The following STAT3 variants were observed in gnomAD, a reference collection of about 807,000 sequenced individuals.
The protein encoded by STAT3 is DNA-binding protein APRF.
STAT3 carries 7 observed loss-of-function variants against 114.3 expected under a neutral mutation model. The observed-to-expected ratio is 0.06, with a 90% CI of 0.03 to 0.11. STAT3 has a LOEUF of 0.11. Ranked by LOEUF, STAT3 falls within the 10% of genes least tolerant of loss-of-function variation. STAT3 has a pLI of 1.00. For synonymous variants in STAT3, 331 were observed against 354.5 expected, an observed-to-expected ratio of 0.93 and a Z score of 0.74; for missense variants, 364 against 960.9, an observed-to-expected ratio of 0.38 and a Z score of 8.21.
At chr17:42,343,743 G>A (rs150749972) in intron 4 of STAT3, among the ~76,000 whole-genome samples, 185 of 152,186 alleles carry the variant, frequency 1.2e-3, no homozygotes, top group African/African-American at 4.0e-3. Flanking sequence ...GTGAGACATC[G>A]TGCCTGGCCC....
chr17:42,384,793 C>A (rs1483126333), intron 1 of STAT3, among the ~76,000 whole-genome samples: 1 of 150,958 alleles, frequency 6.6e-6, no homozygotes, highest in East Asian at 2.0e-4. Flanking sequence ...TGGGCTCAAG[C>A]AATCCTCCTG....
rs2081562708 is a variant in STAT3 at position 42,323,374 on chromosome 17, G to T, written c.1654-20C>A. 2.5e-6 allele frequency: 4 copies of T among 1,613,552 alleles called. No individual in the cohort carries two copies. In the Admixed American group the frequency reaches 5.0e-5, roughly 20 times the overall value. The stretch of plus-strand genomic sequence containing the variant: ...GTTTTCCTGGAGAAAAGAGTAATGG[G>T]AAAGCCAAGTCTACTGCCATCCCAG... On this transcript the variant is annotated intron_variant, in intron 18 of 23. Coordinates refer to ENST00000264657, the MANE Select transcript of STAT3 (RefSeq NM_139276.3).
At chr17:42,338,521 TGACCTGAGGGAATACTCCTG>T (rs1265049272) in intron 6 of STAT3, among the ~76,000 whole-genome samples, 190 bp downstream of exon 6, 1,487 of 11,084 alleles carry the variant, frequency 0.13, 237 homozygotes, top group Non-Finnish European at 0.17. Context: ...GAATACTCCT[TGACCTGAGGGAATACTCCTG>T]GACCTGAGGG....
intron 1 of STAT3, among the ~76,000 whole-genome samples, chr17:42,352,111 C>T (rs1032212379): frequency 3.3e-5 from 5 of 151,920 alleles, no homozygotes; most frequent in Non-Finnish European, 7.4e-5. Context: ...GAGGCCGAGG[C>T]GGGTGGATCA....
At chr17:42,382,120 C>A (rs2084832412) in intron 1 of STAT3, among the ~76,000 whole-genome samples, 1 of 152,134 alleles carries the variant, frequency 6.6e-6, no homozygotes, top group African/African-American at 2.4e-5. Context: ...AACGCAACTT[C>A]GTGGAAAGAA....
chr17:42,337,545 C>T lies in STAT3; in HGVS notation c.687G>A (p.Glu229=), dbSNP rs769885072. 6.2e-7 allele frequency: 1 copy of T among 1,614,248 alleles called. No individual in the cohort carries two copies. The highest frequency in any genetic ancestry group is 8.5e-7 in the Non-Finnish European group (1 of 1,180,050). The change falls in exon 8 of 24, where the codon GAG becomes GAA. Residue 229 remains glutamate (E), a synonymous_variant. Transcript: ENST00000264657. The surrounding 1 kb of genome is among the most constrained non-coding windows in gnomAD (Gnocchi z 4.0). The part of the protein sequence containing the change: ...SELAGLLSAM[E]YVQKTLTDEE... Reference sequence around the variant, plus strand: ...CGTCCGTGAGAGTTTTCTGCACGTACTCCATCGCTGACAAAAGCCCCGCCA... The same window carrying T: ...CGTCCGTGAGAGTTTTCTGCACGTATTCCATCGCTGACAAAAGCCCCGCCA...
At chr17:42,328,880 G>C (rs1318935664) in intron 14 of STAT3, among the ~76,000 whole-genome samples, 1 of 152,116 alleles carries the variant, frequency 6.6e-6, no homozygotes, top group Non-Finnish European at 1.5e-5. Context: ...TCAATGAAAA[G>C]CAGAAAATAA....
At chr17:42,373,538 G>A (rs1231595973) in intron 1 of STAT3, among the ~76,000 whole-genome samples, 2 of 151,830 alleles carry the variant, frequency 1.3e-5, no homozygotes, top group Non-Finnish European at 2.9e-5. Context: ...GTGACAGAGC[G>A]AGACTCTGCC....
At chr17:42,370,041 G>A (rs373853984) in intron 1 of STAT3, among the ~76,000 whole-genome samples, 1 of 151,922 alleles carries the variant, frequency 6.6e-6, no homozygotes, top group South Asian at 2.1e-4. Context: ...GCGAGATCTC[G>A]GTTCACTGTA....
chr17:42,339,250 T>C, intron 5 of STAT3, 64 bp downstream of exon 5: 1 of 1,428,772 alleles, frequency 7.0e-7, no homozygotes, highest in Admixed American at 1.8e-5. Flanking sequence ...AGCAAGACCC[T>C]GTCTCAAAAA....
chr17:42,388,046 G>C (rs2085209245), intron 1 of STAT3: 2 of 471,024 alleles, frequency 4.2e-6, no homozygotes, highest in East Asian at 3.6e-5. Flanking sequence ...CCTCGAGCGC[G>C]TTCTGTTTCT....
At chr17:42,341,194 C>A (rs761841602) in intron 4 of STAT3, among the ~76,000 whole-genome samples, 1 of 152,218 alleles carries the variant, frequency 6.6e-6, no homozygotes, top group Non-Finnish European at 1.5e-5. Context: ...CCCACAGAAA[C>A]CCACCTCTAA....
intron 1 of STAT3, among the ~76,000 whole-genome samples, chr17:42,350,567 G>A (rs1038271729): frequency 1.3e-5 from 2 of 152,076 alleles, no homozygotes; most frequent in Non-Finnish European, 2.9e-5. Flanking sequence ...GATTACAGGC[G>A]TAAGCTACCA....
At chr17:42,331,156 G>A (rs762147152) in intron 11 of STAT3, among the ~76,000 whole-genome samples, 1 of 152,156 alleles carries the variant, frequency 6.6e-6, no homozygotes, top group Non-Finnish European at 1.5e-5. Context: ...TTTGCAGAAC[G>A]TATCCCAGTC....
rs146620441 is a variant in STAT3 at position 42,324,819 on chromosome 17, T to C, written c.1492A>G (p.Ile498Val). The part of the protein sequence containing the change: ...KNVNFFTKPP[I>V]GTWDQVAEVL... ...TCGGCCACTTGATCCCAGGTTCCAATTGGGGGCTTGGTAAAAAAGTTTACA... is the reference window on the plus strand; with the variant it reads ...TCGGCCACTTGATCCCAGGTTCCAACTGGGGGCTTGGTAAAAAAGTTTACA... The change falls in exon 17 of 24, where the codon ATT (isoleucine) becomes GTT (valine). Residue 498 changes from isoleucine (I) to valine (V), a missense_variant. By Grantham distance (29) the Ile-to-Val change is conservative. Coordinates refer to ENST00000264657, the MANE Select transcript of STAT3 (RefSeq NM_139276.3). The surrounding 1 kb of genome is among the most constrained non-coding windows in gnomAD (Gnocchi z 4.5). The C allele has an allele frequency of 1.7e-4, 269 of 1,614,096 alleles. No homozygotes were observed. The African/African-American group carries it at 2.7e-3, about 16-fold the overall frequency.
intron 1 of STAT3, among the ~76,000 whole-genome samples, chr17:42,351,932 T>G (rs2082983014): frequency 6.6e-6 from 1 of 152,000 alleles, no homozygotes; most frequent in African/African-American, 2.4e-5. Context: ...CTAATTTTTT[T>G]TTTTGTATTT....
intron 21 of STAT3, among the ~76,000 whole-genome samples, chr17:42,321,561 C>T (rs1567706779): frequency 6.6e-6 from 1 of 152,170 alleles, no homozygotes; most frequent in Non-Finnish European, 1.5e-5. Context: ...AAACGTGATG[C>T]TCCCAGCTCT....
chr17:42,344,429 A>G (rs12943176), intron 4 of STAT3, among the ~76,000 whole-genome samples: 43,764 of 147,852 alleles, frequency 0.3, 6,667 homozygotes, highest in East Asian at 0.4. Context: ...TCAAAAAAAA[A>G]AAAAAGGCTG....
intron 1 of STAT3, 46 bp from the exon 2 acceptor site, chr17:42,348,585 G>C: frequency 1.2e-6 from 2 of 1,608,616 alleles, no homozygotes; most frequent in Non-Finnish European, 1.7e-6. Flanking sequence ...CCCAGTAGGG[G>C]TAAACAATCT....
Sources: gnomAD v4.1 joint callset for allele counts (sites outside exome capture counted in the v4.1 genomes callset) on GRCh38, gnomAD v4.1.1 for gene constraint, Gnocchi (gnomAD v3.1) non-coding constraint, MANE v1.5 for transcripts, NCBI Gene and HGNC (gene_info 2026-07-23, HGNC 2026-07-21) for gene names.